Variants in ARL6IP6 observed in about 807,000 individuals in gnomAD.
ARL6IP6 encodes the protein ADP-ribosylation factor-like protein 6-interacting protein 6.
A neutral mutation model predicts 21.5 loss-of-function variants in ARL6IP6; 22 were observed. The ratio of observed to expected loss-of-function variants is 1.02; its 90% confidence interval spans 0.73 to 1.46. The LOEUF is 1.46. Ranked by LOEUF, ARL6IP6 falls within the 40% of genes most tolerant of loss-of-function variation. The pLI is 0.00. For missense variants in ARL6IP6, 388 were observed against 299.8 expected (o/e 1.29, Z -2.17); for synonymous variants, 164 against 125.3 (o/e 1.31, Z -2.06).
intron 2 of ARL6IP6, among the ~76,000 whole-genome samples, chr2:152,724,526 G>A (rs80127586): frequency 0.025 from 3,743 of 152,268 alleles, 149 homozygotes; most frequent in African/African-American, 0.084. Flanking sequence ...GCCATGTGCA[G>A]CTAAATTATT....
At chr2:152,749,411 C>T (rs1330532776) in intron 3 of ARL6IP6, among the ~76,000 whole-genome samples, 1 of 151,918 alleles carries the variant, frequency 6.6e-6, no homozygotes, top group Non-Finnish European at 1.5e-5. Context: ...TTTTATACTA[C>T]TATTGTTTGT....
intron 3 of ARL6IP6, among the ~76,000 whole-genome samples, chr2:152,736,536 T>C (rs1224508651): frequency 6.6e-6 from 1 of 152,222 alleles, no homozygotes; most frequent in Non-Finnish European, 1.5e-5. Flanking sequence ...TTCCTGACTT[T>C]TTAAATGTCA....
rs543973757 is a variant in ARL6IP6, at chr2:152,755,282, C to T, written c.588-4465C>T. Among the ~76,000 whole-genome samples, 40 of 152,294 alleles carry T rather than the reference C, an allele frequency of 2.6e-4. 1 individual carries two copies. The highest frequency in any genetic ancestry group is 4.1e-4 in the South Asian group (2 of 4,824). On this transcript the variant is annotated intron_variant, in intron 3 of 3. Coordinates refer to ENST00000326446, the MANE Select transcript of ARL6IP6 (RefSeq NM_152522.7). ...CAATGCCAAGGGAAAACACCTGCTACTTAGCAGACCGGGAAGGGGAGTTTC... is the reference window on the plus strand; with the variant it reads ...CAATGCCAAGGGAAAACACCTGCTATTTAGCAGACCGGGAAGGGGAGTTTC...
intron 2 of ARL6IP6, among the ~76,000 whole-genome samples, chr2:152,722,863 G>A (rs543958991): frequency 6.6e-6 from 1 of 152,296 alleles, no homozygotes; most frequent in South Asian, 2.1e-4. Context: ...AGCCAAGATT[G>A]CGCCACTGCA....
At chr2:152,718,023 G>A (rs1198378547), upstream of ARL6IP6, 16 of 995,164 alleles carry the variant, frequency 1.6e-5, no homozygotes, top group East Asian at 1.6e-3. Flanking sequence ...GGGGAAGGAG[G>A]CGTGTCGAGT....
intron 2 of ARL6IP6, among the ~76,000 whole-genome samples, chr2:152,728,955 G>A (rs1700171483): frequency 6.6e-6 from 1 of 151,872 alleles, no homozygotes; most frequent in African/African-American, 2.4e-5. Flanking sequence ...CTACTCTGGA[G>A]GCTGAGGCAG....
chr2:152,761,573 A>G lies in ARL6IP6; in HGVS notation c.*1733A>G, dbSNP rs1185944388. 2.0e-5 allele frequency among the ~76,000 whole-genome samples: 3 copies of G among 152,348 alleles called. No homozygotes were observed. Among genetic ancestry groups the G allele is most frequent in the African/African-American group, 4.8e-5 (2 of 41,584 alleles). ...TACACCCTAGACAGTCATGTGCCAT[A>G]TAACAACGTTTTGGTCACAACGAAC... On this transcript the variant is annotated 3_prime_UTR_variant, in exon 4 of 4. Coordinates refer to ENST00000326446, the MANE Select transcript of ARL6IP6 (RefSeq NM_152522.7).
intron 1 of ARL6IP6, among the ~76,000 whole-genome samples, chr2:152,719,246 T>C (rs1699564731): frequency 1.3e-5 from 2 of 152,132 alleles, no homozygotes; most frequent in African/African-American, 4.8e-5. Flanking sequence ...AAAAGGATCG[T>C]TTGATTAAAT....
intron 3 of ARL6IP6, among the ~76,000 whole-genome samples, chr2:152,736,773 AC>A (rs1237361696): frequency 2.0e-5 from 3 of 152,248 alleles, no homozygotes; most frequent in African/African-American, 7.2e-5. Context: ...CAAATAAAAA[AC>A]AGTATAGACA....
At chr2:152,758,520 A>G (rs1337010047) in intron 3 of ARL6IP6, among the ~76,000 whole-genome samples, 1 of 152,184 alleles carries the variant, frequency 6.6e-6, no homozygotes, top group Non-Finnish European at 1.5e-5. Context: ...CATTATACCT[A>G]TTTTACGATG....
intron 2 of ARL6IP6, among the ~76,000 whole-genome samples, chr2:152,721,382 G>T (rs1559221565): frequency 6.6e-6 from 1 of 150,782 alleles, no homozygotes; most frequent in Non-Finnish European, 1.5e-5. Flanking sequence ...GACCATCCTT[G>T]CACAGGTAAA....
rs573741801 is a variant in ARL6IP6 at position 152,737,403 on chromosome 2, A to G, written c.587+2277A>G. Among the ~76,000 whole-genome samples the G allele has an allele frequency of 1.1e-3, 165 of 152,338 alleles. 1 individual carries two copies. The highest frequency in any genetic ancestry group is 1.8e-3 in the Non-Finnish European group (124 of 68,038). ...CATTTAACTAATTTTAAAAAAAATTATCTTTGCATTTTGTATTAAATTAGA... is the reference window on the plus strand; with the variant it reads ...CATTTAACTAATTTTAAAAAAAATTGTCTTTGCATTTTGTATTAAATTAGA... On this transcript the variant is annotated intron_variant, in intron 3 of 3. Transcript: ENST00000326446.
At chr2:152,755,065 A>G (rs1701515464) in intron 3 of ARL6IP6, among the ~76,000 whole-genome samples, 1 of 152,196 alleles carries the variant, frequency 6.6e-6, no homozygotes, top group South Asian at 2.1e-4. Context: ...TCTCTCTACA[A>G]TCATAACCTA....
At chr2:152,730,230 G>A in intron 2 of ARL6IP6, among the ~76,000 whole-genome samples, 1 of 152,156 alleles carries the variant, frequency 6.6e-6, no homozygotes, top group East Asian at 1.9e-4. Flanking sequence ...TATTAAATTT[G>A]ACAGGTACCC....
chr2:152,746,417 T>G (rs1007602342), intron 3 of ARL6IP6, among the ~76,000 whole-genome samples: 1 of 152,170 alleles, frequency 6.6e-6, no homozygotes, highest in Non-Finnish European at 1.5e-5. Context: ...CAAGAAATAC[T>G]TGAGAGACAG....
At chr2:152,725,834 C>T (rs1018443290) in intron 2 of ARL6IP6, among the ~76,000 whole-genome samples, 9 of 152,154 alleles carry the variant, frequency 5.9e-5, no homozygotes, top group African/African-American at 9.7e-5. Context: ...AATTGAAATT[C>T]GGATTTGCTG....
At chr2:152,752,463 A>G (rs1266853228) in intron 3 of ARL6IP6, among the ~76,000 whole-genome samples, 2 of 152,248 alleles carry the variant, frequency 1.3e-5, no homozygotes, top group Non-Finnish European at 2.9e-5. Flanking sequence ...GGCATTTTGA[A>G]CAAAGAATTG....
intron 2 of ARL6IP6, among the ~76,000 whole-genome samples, chr2:152,725,357 G>C (rs1020398679): frequency 6.6e-6 from 1 of 152,076 alleles, no homozygotes; most frequent in Non-Finnish European, 1.5e-5. Context: ...ATTCCAGTAA[G>C]ACTTTCCTAA....
upstream of ARL6IP6, chr2:152,717,956 A>C: frequency 9.9e-7 from 1 of 1,005,354 alleles, no homozygotes; most frequent in Non-Finnish European, 1.2e-6. Flanking sequence ...AGGCGAAAGG[A>C]GGGGTTCGGA....
Sources: allele counts gnomAD v4.1 joint callset (sites outside exome capture counted in the v4.1 genomes callset), GRCh38; gene constraint gnomAD v4.1.1; transcripts MANE v1.5; gene names NCBI Gene and HGNC (gene_info 2026-07-23, HGNC 2026-07-21).